The following PIGL variants were observed in gnomAD, a reference collection of about 807,000 sequenced individuals.
The protein encoded by PIGL is N-acetylglucosaminyl-phosphatidylinositol de-N-acetylase.
Under a neutral mutation model 31.1 loss-of-function variants are expected in PIGL, and 22 were observed. The observed-to-expected ratio is 0.71, with a 90% CI of 0.51 to 1.01. The LOEUF is 1.01. Among genes scored for constraint, PIGL ranks in the 50% least tolerant of loss-of-function variants. The probability of loss-of-function intolerance (pLI) is 0.00; values close to 1 mark genes in which losing one functional copy is unlikely to be tolerated. For missense variants in PIGL, 302 were observed against 315.9 expected (o/e 0.96, Z 0.33); for synonymous variants, 131 against 117.4 (o/e 1.12, Z -0.75).
intron 1 of PIGL, chr17:16,217,979 T>C (rs2092602735): frequency 6.6e-6 from 1 of 152,246 alleles, no homozygotes; most frequent in Non-Finnish European, 1.5e-5. Context: ...AGTAATTTTG[T>C]AGGTAATTTT....
chr17:16,276,011 G>A (rs149253179), intron 2 of PIGL, among the ~76,000 whole-genome samples: 7,348 of 152,132 alleles, frequency 0.048, 220 homozygotes, highest in African/African-American at 0.089. Flanking sequence ...GTGACAGAGT[G>A]AGACTCTGTC....
intron 1 of PIGL, among the ~76,000 whole-genome samples, chr17:16,228,760 A>G (rs533126678): frequency 7.5e-4 from 114 of 152,220 alleles, no homozygotes; most frequent in African/African-American, 2.7e-3. Flanking sequence ...CATCACCACT[A>G]TTTCATCATC....
intron 2 of PIGL, among the ~76,000 whole-genome samples, chr17:16,240,779 C>T (rs1454271563): frequency 6.6e-6 from 1 of 151,606 alleles, no homozygotes; most frequent in Admixed American, 6.6e-5. Context: ...AGATTAGAGG[C>T]GTGAGCCAGC....
chr17:16,258,125 AAGAGAGAGAGAGAAAG>A (rs2092804022), intron 2 of PIGL, among the ~76,000 whole-genome samples: 3 of 89,980 alleles, frequency 3.3e-5, no homozygotes, highest in Non-Finnish European at 4.6e-5. Context: ...GAGAGAGAGA[AAGAGAGAGAGAGAAAG>A]AGAGAGAGAG....
chr17:16,297,366 CCT>C (rs952421447), intron 2 of PIGL, among the ~76,000 whole-genome samples: 40 of 152,146 alleles, frequency 2.6e-4, no homozygotes, highest in Non-Finnish European at 8.8e-5. Flanking sequence ...TGAACTTCCC[CCT>C]CTTTGAGGTT....
intron 1 of PIGL, 31 bp downstream of exon 1, chr17:16,217,492 C>G: frequency 6.4e-7 from 1 of 1,554,374 alleles, no homozygotes. Flanking sequence ...CGATGGGAGC[C>G]GGGGCTTTGA....
chr17:16,323,359 AG>A (rs759888010), intron 6 of PIGL, among the ~76,000 whole-genome samples: 13 of 151,018 alleles, frequency 8.6e-5, no homozygotes, highest in Non-Finnish European at 1.5e-4. Flanking sequence ...TCAGCCTCCC[AG>A]GTAGCTGGGA....
intron 1 of PIGL, among the ~76,000 whole-genome samples, chr17:16,227,178 G>A (rs893192040): frequency 1.3e-5 from 2 of 151,152 alleles, no homozygotes; most frequent in Non-Finnish European, 2.9e-5. Context: ...GCACGATCTC[G>A]GCTCACTGCA....
intron 1 of PIGL, among the ~76,000 whole-genome samples, chr17:16,231,677 A>G (rs1345078775): frequency 6.6e-6 from 1 of 152,194 alleles, no homozygotes; most frequent in East Asian, 1.9e-4. Context: ...TTTACTTTGT[A>G]TTAAATGTGA....
At chr17:16,298,166 G>T (rs2092990541) in intron 2 of PIGL, among the ~76,000 whole-genome samples, 1 of 152,144 alleles carries the variant, frequency 6.6e-6, no homozygotes, top group South Asian at 2.1e-4. Context: ...ACCAGCTGAA[G>T]CAAAGGAAAC....
At chr17:16,227,800 G>A (rs1483447261) in intron 1 of PIGL, among the ~76,000 whole-genome samples, 3 of 150,952 alleles carry the variant, frequency 2.0e-5, no homozygotes, top group South Asian at 2.1e-4. Context: ...GGCTGGTCTC[G>A]AACTCCCGAC....
chr17:16,266,066 T>G (rs1015143421), intron 2 of PIGL, among the ~76,000 whole-genome samples: 1 of 152,052 alleles, frequency 6.6e-6, no homozygotes, highest in African/African-American at 2.4e-5. Context: ...CATGACTCTT[T>G]CTAGAAAAAT....
chr17:16,312,227 C>G (rs1430022797), intron 3 of PIGL, among the ~76,000 whole-genome samples: 1 of 151,270 alleles, frequency 6.6e-6, no homozygotes, highest in Non-Finnish European at 1.5e-5. Flanking sequence ...GGCGGAGGGG[C>G]TCCTCACTTC....
intron 4 of PIGL, among the ~76,000 whole-genome samples, chr17:16,313,947 C>G (rs148505926): frequency 6.6e-6 from 1 of 152,298 alleles, no homozygotes; most frequent in African/African-American, 2.4e-5. Flanking sequence ...CCCTGTGGCA[C>G]TGGACAAGAC....
intron 3 of PIGL, among the ~76,000 whole-genome samples, chr17:16,312,976 A>G (rs2093061702): frequency 6.6e-6 from 1 of 151,236 alleles, no homozygotes; most frequent in South Asian, 2.1e-4. Flanking sequence ...TTTTTCTTTA[A>G]TTCATTTGTG....
intron 2 of PIGL, among the ~76,000 whole-genome samples, chr17:16,247,862 G>C (rs980324823): frequency 3.9e-5 from 6 of 152,054 alleles, no homozygotes; most frequent in Admixed American, 6.6e-5. Flanking sequence ...TCACACCAGA[G>C]TGCTCTCTTC....
chr17:16,297,924 G>GGCAAGCAA (rs1363125805), intron 2 of PIGL, among the ~76,000 whole-genome samples: 13 of 152,282 alleles, frequency 8.5e-5, no homozygotes, highest in African/African-American at 3.1e-4. Context: ...GTGAGTGACG[G>GGCAAGCAA]GCAAGCAAGC....
chr17:16,291,846 G>A (rs998811389), intron 2 of PIGL, among the ~76,000 whole-genome samples: 5 of 150,936 alleles, frequency 3.3e-5, no homozygotes, highest in African/African-American at 1.2e-4. Flanking sequence ...GCCTGGGCAA[G>A]AGAGTGAGAC....
intron 1 of PIGL, among the ~76,000 whole-genome samples, chr17:16,220,328 C>G (rs2142629214): frequency 1.3e-5 from 2 of 152,028 alleles, no homozygotes; most frequent in Admixed American, 1.3e-4. Context: ...AGCCTGGCAA[C>G]AGAGGGAGAC....
Sources: allele counts gnomAD v4.1 joint callset (sites outside exome capture counted in the v4.1 genomes callset), GRCh38; gene constraint gnomAD v4.1.1; transcripts MANE v1.5; gene names NCBI Gene and HGNC (gene_info 2026-07-23, HGNC 2026-07-21).